PDGFC: variants seen among roughly 807,000 people sequenced by gnomAD.
PDGFC encodes the protein platelet-derived growth factor C.
PDGFC carries 12 observed loss-of-function variants against 35.5 expected under a neutral mutation model. The observed-to-expected ratio is 0.34, with a 90% CI of 0.22 to 0.55. The LOEUF is 0.55. PDGFC is among the 20% of genes least tolerant of loss of function. The probability of loss-of-function intolerance (pLI) is 0.91; values close to 1 mark genes in which losing one functional copy is unlikely to be tolerated. For missense variants in PDGFC, 322 were observed against 412.4 expected (o/e 0.78, Z 1.90); for synonymous variants, 159 against 148.8 (o/e 1.07, Z -0.50).
At chr4:156,937,138 A>G (rs1212404678) in intron 1 of PDGFC, among the ~76,000 whole-genome samples, 1 of 152,218 alleles carries the variant, frequency 6.6e-6, no homozygotes, top group African/African-American at 2.4e-5. Flanking sequence ...AATTATCAAT[A>G]AATACATGGT....
chr4:156,869,033 T>C lies in PDGFC; in HGVS notation c.119-18617A>G, dbSNP rs74421965. Among the ~76,000 whole-genome samples, 1,271 of 152,342 alleles carry C rather than the reference T, an allele frequency of 8.3e-3. 14 individuals carry two copies. The highest frequency in any genetic ancestry group is 0.013 in the Non-Finnish European group (898 of 68,036). On this transcript the variant is annotated intron_variant, in intron 1 of 5. Transcript: ENST00000502773. ...CCTCTACATTAGTTTCTAATTTCAA[T>C]TAATGGAATCACTATTTCACTGCCA...
chr4:156,910,494 A>G (rs1289941374), intron 1 of PDGFC, among the ~76,000 whole-genome samples: 1 of 152,188 alleles, frequency 6.6e-6, no homozygotes, highest in African/African-American at 2.4e-5. Flanking sequence ...TAAAGCTGCT[A>G]TGAAAATTCA....
chr4:156,948,245 A>G (rs1731994648), intron 1 of PDGFC, among the ~76,000 whole-genome samples: 1 of 151,396 alleles, frequency 6.6e-6, no homozygotes, highest in African/African-American at 2.4e-5. Context: ...AAAGACGAAA[A>G]CCCCATATGG....
intron 1 of PDGFC, among the ~76,000 whole-genome samples, chr4:156,909,969 C>A (rs996005235): frequency 2.0e-5 from 3 of 152,046 alleles, no homozygotes; most frequent in Non-Finnish European, 2.9e-5. Flanking sequence ...AAGGTAAAAA[C>A]TAGAATGATC....
chr4:156,789,784 G>T (rs1731239255), intron 3 of PDGFC, among the ~76,000 whole-genome samples: 1 of 152,022 alleles, frequency 6.6e-6, no homozygotes, highest in African/African-American at 2.4e-5. Flanking sequence ...AGACCATCCT[G>T]GCTAACACGG....
At chr4:156,828,970 G>A (rs1728861602) in intron 2 of PDGFC, among the ~76,000 whole-genome samples, 1 of 151,936 alleles carries the variant, frequency 6.6e-6, no homozygotes, top group Non-Finnish European at 1.5e-5. Context: ...GGGATTCTGT[G>A]GAAACTAAAC....
At chr4:156,882,022 T>C (rs1730256028) in intron 1 of PDGFC, among the ~76,000 whole-genome samples, 1 of 152,036 alleles carries the variant, frequency 6.6e-6, no homozygotes, top group Admixed American at 6.6e-5. Context: ...ATCAGCAGCA[T>C]GAAAATGGAC....
chr4:156,966,407 C>T (rs1732467687), intron 1 of PDGFC, among the ~76,000 whole-genome samples: 1 of 151,466 alleles, frequency 6.6e-6, no homozygotes, highest in Non-Finnish European at 1.5e-5. Flanking sequence ...TTGGTTGATA[C>T]AAACAGAAAC....
At chr4:156,866,356 A>G (rs1456259322) in intron 1 of PDGFC, among the ~76,000 whole-genome samples, 1 of 152,134 alleles carries the variant, frequency 6.6e-6, no homozygotes, top group African/African-American at 2.4e-5. Context: ...TTTAACAGCA[A>G]AAAAAGCTCA....
At chr4:156,813,169 TG>T (rs1219200335) in intron 2 of PDGFC, among the ~76,000 whole-genome samples, 2 of 152,092 alleles carry the variant, frequency 1.3e-5, no homozygotes, top group Non-Finnish European at 2.9e-5. Flanking sequence ...TTTTATCGAA[TG>T]GTAATTTTTA....
At chr4:156,914,228 G>A (rs572724920) in intron 1 of PDGFC, among the ~76,000 whole-genome samples, 2 of 152,234 alleles carry the variant, frequency 1.3e-5, no homozygotes, top group East Asian at 1.9e-4. Flanking sequence ...TCAGTTGTGG[G>A]CGGGGAGATC....
chr4:156,803,324 G>T (rs1731667237), intron 3 of PDGFC, among the ~76,000 whole-genome samples: 2 of 152,122 alleles, frequency 1.3e-5, no homozygotes, highest in African/African-American at 4.8e-5. Flanking sequence ...CGGAAATGTA[G>T]TCATGGTATA....
chr4:156,960,273 T>TATATATATAA (rs1390089950), intron 1 of PDGFC, among the ~76,000 whole-genome samples: 3 of 147,556 alleles, frequency 2.0e-5, no homozygotes, highest in African/African-American at 7.4e-5. Flanking sequence ...TATATATATA[T>TATATATATAA]AAAACTATAA....
intron 2 of PDGFC, among the ~76,000 whole-genome samples, chr4:156,825,575 T>TAAG (rs1193107464): frequency 1.7e-3 from 160 of 95,522 alleles, no homozygotes; most frequent in South Asian, 5.9e-3. Context: ...ATAATAATAA[T>TAAG]AATAATAATA....
intron 1 of PDGFC, among the ~76,000 whole-genome samples, chr4:156,955,683 C>T (rs981526797): frequency 2.6e-5 from 4 of 151,646 alleles, no homozygotes; most frequent in African/African-American, 7.3e-5. Flanking sequence ...AAAGACACAC[C>T]CTTATTATTA....
intron 1 of PDGFC, among the ~76,000 whole-genome samples, chr4:156,889,670 T>TA (rs1287851652): frequency 6.6e-6 from 1 of 152,180 alleles, no homozygotes; most frequent in East Asian, 1.9e-4. Flanking sequence ...CTACAAAGTG[T>TA]AATGGAACAG....
At chr4:156,812,594 T>G (rs1731968505) in intron 2 of PDGFC, among the ~76,000 whole-genome samples, 1 of 152,090 alleles carries the variant, frequency 6.6e-6, no homozygotes. Context: ...TACGTAACAT[T>G]AAACATATGA....
chr4:156,916,216 T>C (rs560736656), intron 1 of PDGFC, among the ~76,000 whole-genome samples: 3 of 152,274 alleles, frequency 2.0e-5, no homozygotes, highest in Admixed American at 6.5e-5. Flanking sequence ...CTTTACGATA[T>C]TTACAGTCTA....
chr4:156,825,633 A>AAGAAGG (rs1444231759), intron 2 of PDGFC, among the ~76,000 whole-genome samples: 1 of 145,686 alleles, frequency 6.9e-6, no homozygotes, highest in East Asian at 2.0e-4. Flanking sequence ...GAAGAAGAAG[A>AAGAAGG]AGAAGAAGAA....
Sources: gnomAD v4.1 joint callset for allele counts (sites outside exome capture counted in the v4.1 genomes callset) on GRCh38, gnomAD v4.1.1 for gene constraint, MANE v1.5 for transcripts, NCBI Gene and HGNC (gene_info 2026-07-23, HGNC 2026-07-21) for gene names.